Variants in DNAH5 observed in about 807,000 individuals in gnomAD.
The protein encoded by DNAH5 is dynein axonemal heavy chain 5.
Under a neutral mutation model 518.2 loss-of-function variants are expected in DNAH5, and 372 were observed. The ratio of observed to expected loss-of-function variants is 0.72; its 90% CI spans 0.66 to 0.78. The LOEUF is 0.78. Ranked by LOEUF, DNAH5 falls within the 30% of genes least tolerant of loss-of-function variation. DNAH5 has a pLI of 0.00. For missense variants in DNAH5, 5,523 were observed against 5,687.0 expected (o/e 0.97, Z 0.93); for synonymous variants, 2,039 against 2,025.9 (o/e 1.01, Z -0.17).
intron 1 of DNAH5, among the ~76,000 whole-genome samples, chr5:13,950,849 A>G (rs537389181): frequency 6.6e-6 from 1 of 152,290 alleles, no homozygotes; most frequent in Admixed American, 6.5e-5. Flanking sequence ...TGGCATATAG[A>G]ACCAAGAAAA....
At chr5:13,949,023 GA>G (rs1218615814), upstream of DNAH5, among the ~76,000 whole-genome samples, 1 of 151,546 alleles carries the variant, frequency 6.6e-6, no homozygotes, top group African/African-American at 2.4e-5. Flanking sequence ...ACACCAGAAA[GA>G]AAAAAAACAC....
At chr5:13,953,209 A>G (rs1284366607) in intron 1 of DNAH5, among the ~76,000 whole-genome samples, 2 of 152,208 alleles carry the variant, frequency 1.3e-5, no homozygotes, top group Admixed American at 6.5e-5. Context: ...AACACTTCTC[A>G]CTAAAACCAA....
intron 78 of DNAH5, among the ~76,000 whole-genome samples, chr5:13,697,395 G>C (rs983971025): frequency 6.6e-6 from 1 of 152,142 alleles, no homozygotes; most frequent in East Asian, 1.9e-4. Flanking sequence ...GAACCTTCGT[G>C]TTCCTAATCT....
intron 1 of DNAH5, among the ~76,000 whole-genome samples, chr5:13,998,317 C>T (rs1784109485): frequency 6.6e-6 from 1 of 152,194 alleles, no homozygotes; most frequent in Non-Finnish European, 1.5e-5. Context: ...GGACATTACT[C>T]CCATTTACAA....
chr5:13,714,933 A>G (rs555148072), intron 74 of DNAH5, among the ~76,000 whole-genome samples: 27 of 152,340 alleles, frequency 1.8e-4, no homozygotes, highest in Non-Finnish European at 2.9e-4. Flanking sequence ...GTTTTGCTTT[A>G]TGACAGTCTA....
intron 1 of DNAH5, among the ~76,000 whole-genome samples, chr5:13,939,461 C>T (rs1173588585): frequency 1.3e-5 from 2 of 152,140 alleles, no homozygotes; most frequent in South Asian, 2.1e-4. Context: ...ATTAGAGAAA[C>T]TGAGGGAAGC....
intron 1 of DNAH5, among the ~76,000 whole-genome samples, chr5:13,980,335 T>C (rs1782585652): frequency 6.6e-6 from 1 of 152,058 alleles, no homozygotes; most frequent in Non-Finnish European, 1.5e-5. Flanking sequence ...CAATTTCTTA[T>C]CTCCAACCCT....
chr5:13,896,595 A>C (rs1475581482), intron 15 of DNAH5: 3 of 152,220 alleles, frequency 2.0e-5, no homozygotes, highest in Non-Finnish European at 4.4e-5. Flanking sequence ...TTAGACTATA[A>C]GTTCTACAAG....
intron 44 of DNAH5, among the ~76,000 whole-genome samples, chr5:13,810,723 C>A (rs1413992917): frequency 4.6e-5 from 7 of 151,122 alleles, no homozygotes; most frequent in African/African-American, 1.7e-4. Flanking sequence ...TACTGCACTC[C>A]AGCCTGGGCG....
chr5:13,737,389 C>A lies in DNAH5; in HGVS notation c.11318G>T (p.Gly3773Val). The change falls in exon 66 of 79, where the codon GGG becomes GTG. Residue 3773 changes from glycine to valine, a missense_variant. Physicochemically the swap from Gly to Val is moderately radical, Grantham distance 109. Around this residue, in one of 3 missense-constraint regions of DNAH5, gnomAD observed 5,121 missense variants for 5,223.3 expected, o/e 0.98. Transcript: ENST00000265104. ...GAGACTTTCATCTTCTACCAGGGAC[C>A]CCTGGGTACTTGTCAGGCGGTAAAG... ...NLLYRLTSTQ[G>V]SLVEDESLIV... 6.2e-7 allele frequency: 1 copy of A among 1,614,118 alleles called. No individual in the cohort carries two copies. Among genetic ancestry groups the A allele is most frequent in the Non-Finnish European group, 8.5e-7 (1 of 1,180,014 alleles).
intron 65 of DNAH5, among the ~76,000 whole-genome samples, chr5:13,747,712 T>C (rs1749590004): frequency 6.6e-6 from 1 of 152,226 alleles, no homozygotes; most frequent in Admixed American, 6.5e-5. Context: ...TTCATATCCT[T>C]CGCCCGCTTG....
intron 49 of DNAH5, among the ~76,000 whole-genome samples, chr5:13,793,187 A>G (rs1408665872): frequency 1.3e-5 from 2 of 152,196 alleles, no homozygotes; most frequent in East Asian, 1.9e-4. Flanking sequence ...CCAGACCTCA[A>G]AACTATGTGC....
chr5:13,786,403 C>T (rs1281816128), intron 51 of DNAH5, 52 bp from the exon 52 acceptor site: 31 of 1,535,982 alleles, frequency 2.0e-5, no homozygotes, highest in Non-Finnish European at 2.8e-5. Flanking sequence ...CTGCATTTTA[C>T]TTCAATCTAA....
In DNAH5 at chr5:13,810,320, G is replaced by C. The variant is rs920162644; in HGVS notation, c.7408-60C>G. On this transcript the variant is annotated intron_variant, in intron 44 of 78. Coordinates refer to ENST00000265104, the MANE Select transcript of DNAH5 (RefSeq NM_001369.3). ...ATTCTGAAACCCAAACGTTGCTCTA[G>C]GGTTTCAATGGGAACAGTAAACATA... The C allele has an allele frequency of 1.4e-5, 20 of 1,409,740 alleles. No individual in the cohort carries two copies. In the Middle Eastern group the frequency reaches 7.0e-4, roughly 49 times the overall value. 87.3% of individuals were successfully genotyped at this position (1,409,740 alleles called of 1,614,324 possible). A position where few individuals can be genotyped will look rare whatever the true frequency, so the allele number is the denominator to read the frequency against.
chr5:13,894,040 C>A (rs899231778), intron 16 of DNAH5, among the ~76,000 whole-genome samples: 1 of 144,162 alleles, frequency 6.9e-6, no homozygotes, highest in Non-Finnish European at 1.5e-5. Context: ...ATGCCACAAG[C>A]AAAAGGCCAC....
At chr5:13,791,006 A>G (rs1756894250) in intron 50 of DNAH5, among the ~76,000 whole-genome samples, 2 of 152,160 alleles carry the variant, frequency 1.3e-5, no homozygotes, top group African/African-American at 4.8e-5. Flanking sequence ...TAATCTGTAC[A>G]ATAAGCCCCC....
intron 59 of DNAH5, among the ~76,000 whole-genome samples, chr5:13,765,717 T>C (rs1479858322): frequency 6.6e-6 from 1 of 152,190 alleles, no homozygotes; most frequent in Non-Finnish European, 1.5e-5. Flanking sequence ...ATAATATAAA[T>C]ACATACTTAT....
At chr5:13,954,990 A>G (rs1402400698) in intron 1 of DNAH5, among the ~76,000 whole-genome samples, 1 of 152,096 alleles carries the variant, frequency 6.6e-6, no homozygotes, top group African/African-American at 2.4e-5. Flanking sequence ...GGACCACACA[A>G]TCAACGCGAA....
Position 13,882,724 on chromosome 5 carries a change from T to C in DNAH5, c.3262+4A>G. On this transcript the variant is annotated splice_donor_region_variant and intron_variant, in intron 21 of 78. Transcript: ENST00000265104. Reference sequence around the variant, plus strand: ...CTCTTTTAAAAGACTAAAAGAACATTTACCTTGAAGTTCATTTTCTCCCAT... The same window carrying C: ...CTCTTTTAAAAGACTAAAAGAACATCTACCTTGAAGTTCATTTTCTCCCAT... 6.2e-7 allele frequency: 1 copy of C among 1,607,772 alleles called. No homozygotes were observed.
Sources: allele counts gnomAD v4.1 joint callset (sites outside exome capture counted in the v4.1 genomes callset), GRCh38; gene constraint gnomAD v4.1.1; regional missense constraint gnomAD v4.1.1; transcripts MANE v1.5; gene names NCBI Gene and HGNC (gene_info 2026-07-23, HGNC 2026-07-21).